The following CDC42BPA variants were observed in gnomAD, a reference collection of about 807,000 sequenced individuals.
The protein encoded by CDC42BPA is CDC42 binding protein kinase alpha, also known as serine/threonine-protein kinase MRCK alpha.
CDC42BPA carries 80 observed loss-of-function variants against 223.5 expected under a neutral mutation model. The ratio of observed to expected loss-of-function variants is 0.36; its 90% confidence interval spans 0.30 to 0.43. The LOEUF is 0.43. Ranked by LOEUF, CDC42BPA falls within the 20% of genes least tolerant of loss-of-function variation. CDC42BPA has a pLI of 1.00. For missense variants in CDC42BPA, 1,743 were observed against 2,099.9 expected, an observed-to-expected ratio of 0.83 and a Z score of 3.32; for synonymous variants, 694 against 718.6, an observed-to-expected ratio of 0.97 and a Z score of 0.55.
chr1:227,173,902 A>G (rs61834562), intron 5 of CDC42BPA, among the ~76,000 whole-genome samples: 3,303 of 152,152 alleles, frequency 0.022, 46 homozygotes, highest in Non-Finnish European at 0.033. Context: ...CGAACTTCCA[A>G]TTGGTGTCAG....
At chr1:227,057,058 T>C (rs999173063) in intron 21 of CDC42BPA, among the ~76,000 whole-genome samples, 1 of 152,162 alleles carries the variant, frequency 6.6e-6, no homozygotes, top group Non-Finnish European at 1.5e-5. Context: ...ACACATATTC[T>C]AAGAAAACAT....
chr1:227,314,130 A>G (rs1324223666), intron 1 of CDC42BPA, among the ~76,000 whole-genome samples: 1 of 152,106 alleles, frequency 6.6e-6, no homozygotes, highest in Admixed American at 6.5e-5. Context: ...ATTAGTTTAC[A>G]ATGTGGAAGT....
intron 1 of CDC42BPA, among the ~76,000 whole-genome samples, chr1:227,306,372 T>C (rs1692551487): frequency 6.6e-6 from 1 of 152,084 alleles, no homozygotes; most frequent in African/African-American, 2.4e-5. Flanking sequence ...AAACCAGAAC[T>C]CATGAGCTAC....
At chr1:227,058,988 T>C (rs1675205936) in intron 21 of CDC42BPA, among the ~76,000 whole-genome samples, 1 of 145,572 alleles carries the variant, frequency 6.9e-6, no homozygotes, top group Non-Finnish European at 1.5e-5. Flanking sequence ...ATGATCAAGT[T>C]TTCTTTCTAC....
chr1:227,075,317 T>A (rs943081221), intron 17 of CDC42BPA, among the ~76,000 whole-genome samples: 1 of 152,176 alleles, frequency 6.6e-6, no homozygotes. Context: ...TCAGCATGTA[T>A]CCGATGCATA....
intron 23 of CDC42BPA, among the ~76,000 whole-genome samples, chr1:227,044,185 G>C (rs1182445761): frequency 6.6e-6 from 1 of 152,116 alleles, no homozygotes; most frequent in Non-Finnish European, 1.5e-5. Flanking sequence ...ATCTTTCAAT[G>C]GGATTTCTAG....
chr1:227,068,617 A>C, intron 21 of CDC42BPA: 1 of 1,007,462 alleles, frequency 9.9e-7, no homozygotes, highest in Non-Finnish European at 1.3e-6. Context: ...GATCTTTTTT[A>C]CTGAAGGATG....
At chr1:227,231,966 A>G (rs1381000619) in intron 2 of CDC42BPA, among the ~76,000 whole-genome samples, 1 of 152,142 alleles carries the variant, frequency 6.6e-6, no homozygotes, top group East Asian at 1.9e-4. Flanking sequence ...TTCTTTTGCC[A>G]TACAGAAGCT....
Position 227,310,975 on chromosome 1 carries a change from A to G in CDC42BPA, c.178+6030T>C, listed in dbSNP as rs199658369. On this transcript the variant is annotated intron_variant, in intron 1 of 36. Coordinates refer to ENST00000366766, the MANE Select transcript of CDC42BPA (RefSeq NM_001394014.1). ...CAAAGTGCTGGGATTACAGGCGTAAACCACCGCACCCGGCCAAGGAGTTTT... is the reference window on the plus strand; with the variant it reads ...CAAAGTGCTGGGATTACAGGCGTAAGCCACCGCACCCGGCCAAGGAGTTTT... Among the ~76,000 whole-genome samples the G allele has an allele frequency of 1.4e-4, 21 of 151,938 alleles. No individual in the cohort carries two copies. The East Asian group carries it at 3.5e-3, about 25-fold the overall frequency.
intron 21 of CDC42BPA, among the ~76,000 whole-genome samples, chr1:227,061,011 G>A (rs756127338): frequency 7.9e-5 from 12 of 151,946 alleles, no homozygotes; most frequent in African/African-American, 2.7e-4. Context: ...GTGAACCACC[G>A]CGCCTGGCCA....
At chr1:227,239,758 A>G (rs1679706070) in intron 2 of CDC42BPA, among the ~76,000 whole-genome samples, 1 of 152,148 alleles carries the variant, frequency 6.6e-6, no homozygotes, top group South Asian at 2.1e-4. Flanking sequence ...AGAAGACAAT[A>G]TCTTCAATCA....
chr1:227,201,526 A>T (rs953831131), intron 3 of CDC42BPA, among the ~76,000 whole-genome samples: 1 of 152,226 alleles, frequency 6.6e-6, no homozygotes, highest in Non-Finnish European at 1.5e-5. Flanking sequence ...AACTTCAAAG[A>T]TAACTCTAAG....
At chr1:227,140,456 T>C (rs547948357) in intron 9 of CDC42BPA, among the ~76,000 whole-genome samples, 180 of 151,722 alleles carry the variant, frequency 1.2e-3, no homozygotes, top group Middle Eastern at 6.8e-3. Context: ...AGGGGACCAG[T>C]TAAGGGAATA....
intron 17 of CDC42BPA, among the ~76,000 whole-genome samples, chr1:227,078,281 A>G (rs946478272): frequency 6.6e-6 from 1 of 152,164 alleles, no homozygotes; most frequent in Non-Finnish European, 1.5e-5. Context: ...ATTTTTAAAA[A>G]GTCAGTATCT....
At chr1:227,292,172 G>A (rs969858884) in intron 1 of CDC42BPA, among the ~76,000 whole-genome samples, 1 of 152,026 alleles carries the variant, frequency 6.6e-6, no homozygotes, top group Non-Finnish European at 1.5e-5. Flanking sequence ...TAGTAGAGAT[G>A]GGGTGTCACC....
At chr1:227,068,678 A>T (rs1420513649) in intron 21 of CDC42BPA, 2 of 1,212,170 alleles carry the variant, frequency 1.6e-6, no homozygotes, top group Non-Finnish European at 2.1e-6. Flanking sequence ...CAATCAGTGA[A>T]GATGAGGAAG....
intron 2 of CDC42BPA, among the ~76,000 whole-genome samples, chr1:227,249,453 A>C (rs1606550): frequency 0.098 from 14,901 of 152,242 alleles, 1,168 homozygotes; most frequent in East Asian, 0.36. Flanking sequence ...TCTGCACAGC[A>C]AAGGAAACAA....
At chr1:227,189,288 A>G (rs1228456693) in intron 5 of CDC42BPA, among the ~76,000 whole-genome samples, 6 of 152,216 alleles carry the variant, frequency 3.9e-5, no homozygotes, top group African/African-American at 1.4e-4. Context: ...CAAAGAAAGG[A>G]AGGGAAAATC....
At chr1:227,107,699 G>A (rs948573044) in intron 14 of CDC42BPA, among the ~76,000 whole-genome samples, 1 of 152,140 alleles carries the variant, frequency 6.6e-6, no homozygotes, top group Non-Finnish European at 1.5e-5. Flanking sequence ...TTAACAAGCC[G>A]CTGGAGTGGG....
Sources: allele counts gnomAD v4.1 joint callset (sites outside exome capture counted in the v4.1 genomes callset), GRCh38; gene constraint gnomAD v4.1.1; transcripts MANE v1.5; gene names NCBI Gene and HGNC (gene_info 2026-07-23, HGNC 2026-07-21).